The following SLC8A3 variants were observed in gnomAD, a reference collection of about 807,000 sequenced individuals.
SLC8A3 encodes sodium/calcium exchanger 3.
Under a neutral mutation model 65.4 loss-of-function variants are expected in SLC8A3, and 37 were observed. That is an observed-to-expected ratio of 0.57 (90% CI 0.44 to 0.74). The LOEUF is 0.74. Ranked by LOEUF, SLC8A3 falls within the 30% of genes least tolerant of loss-of-function variation. The pLI is 0.00. For missense variants in SLC8A3, 1,112 were observed against 1,172.1 expected (o/e 0.95, Z 0.75); for synonymous variants, 461 against 444.5 (o/e 1.04, Z -0.47).
chr14:70,086,211 T>C (rs1891420979), intron 2 of SLC8A3, among the ~76,000 whole-genome samples: 1 of 152,152 alleles, frequency 6.6e-6, no homozygotes, highest in South Asian at 2.1e-4. Flanking sequence ...GTACTAGCAT[T>C]ATCTTCATTT....
intron 2 of SLC8A3, among the ~76,000 whole-genome samples, chr14:70,066,423 C>A (rs1277812754): frequency 6.6e-6 from 1 of 152,166 alleles, no homozygotes; most frequent in East Asian, 1.9e-4. Context: ...CCTGGAATCA[C>A]CCCTCATTCT....
rs1384699618 is a variant in SLC8A3 at position 70,044,296 on chromosome 14, TATGAC to T, written c.*1646_*1650del. ...TCCACTGGCAACTGTCAACATAGCT[TATGAC>T]ATGAGCACTGTTTCTTTTTTAATTA... On this transcript the variant is annotated 3_prime_UTR_variant, in exon 7 of 7. Transcript: ENST00000356921. The T allele has an allele frequency of 2.0e-5, 3 of 152,146 alleles. No homozygotes were observed. The highest frequency in any genetic ancestry group is 4.4e-5 in the Non-Finnish European group (3 of 68,036). The allele number at this position is 152,146 out of a possible 1,614,324, so 9.4% of individuals were successfully genotyped here.
In SLC8A3 at chr14:70,141,964, GTGACTCCAATGGCC is replaced by G. The variant is rs200832833; in HGVS notation, c.1784+24661_1784+24674del. On this transcript the variant is annotated intron_variant, in intron 2 of 6. Coordinates refer to ENST00000356921, the MANE Select transcript of SLC8A3 (RefSeq NM_182932.3). The stretch of plus-strand genomic sequence containing the variant: ...CCCTAGGGTCTGTAGGTCCACCCCA[GTGACTCCAATGGCC>G]TCCCTCTCACCAGTGACCAGAGCCC... 4.1e-3 allele frequency among the ~76,000 whole-genome samples: 618 copies of G among 152,240 alleles called. 3 individuals carry two copies. Among genetic ancestry groups the G allele is most frequent in the African/African-American group, 0.015 (606 of 41,538 alleles).
intron 1 of SLC8A3, among the ~76,000 whole-genome samples, chr14:70,181,951 C>T (rs1056308297): frequency 2.6e-5 from 4 of 152,086 alleles, no homozygotes; most frequent in Non-Finnish European, 4.4e-5. Context: ...GGAAAATCAA[C>T]GTAAAGCACT....
chr14:70,130,082 G>A (rs1894720629), intron 2 of SLC8A3, among the ~76,000 whole-genome samples: 1 of 152,182 alleles, frequency 6.6e-6, no homozygotes, highest in Non-Finnish European at 1.5e-5. Flanking sequence ...TTACTGAGCT[G>A]TTTATTCTAC....
At chr14:70,128,629 T>C (rs1894632228) in intron 2 of SLC8A3, among the ~76,000 whole-genome samples, 2 of 152,244 alleles carry the variant, frequency 1.3e-5, no homozygotes, top group Non-Finnish European at 1.5e-5. Flanking sequence ...CATTTAAGAC[T>C]ATGATGAGAA....
intron 2 of SLC8A3, among the ~76,000 whole-genome samples, chr14:70,108,847 C>T (rs1893064552): frequency 6.6e-6 from 1 of 152,238 alleles, no homozygotes; most frequent in African/African-American, 2.4e-5. Context: ...CACTAACCTT[C>T]TTCCACTGTC....
intron 2 of SLC8A3, among the ~76,000 whole-genome samples, chr14:70,121,584 C>A (rs779239724): frequency 6.6e-5 from 10 of 152,244 alleles, no homozygotes; most frequent in Non-Finnish European, 1.3e-4. Context: ...TCCATAAATG[C>A]AAAACTAGTC....
chr14:70,156,109 C>G (rs1896555931), intron 2 of SLC8A3, among the ~76,000 whole-genome samples: 1 of 152,192 alleles, frequency 6.6e-6, no homozygotes, highest in African/African-American at 2.4e-5. Flanking sequence ...CGGTGGGGAG[C>G]TGGCTTGAGA....
At chr14:70,115,629 G>C (rs1230148507) in intron 2 of SLC8A3, among the ~76,000 whole-genome samples, 1 of 152,186 alleles carries the variant, frequency 6.6e-6, no homozygotes, top group African/African-American at 2.4e-5. Flanking sequence ...CACAGTAGGA[G>C]CAGGTGGAGG....
At chr14:70,177,106 T>C (rs976467274) in intron 1 of SLC8A3, among the ~76,000 whole-genome samples, 1 of 152,248 alleles carries the variant, frequency 6.6e-6, no homozygotes, top group Non-Finnish European at 1.5e-5. Flanking sequence ...AGTTATAAGT[T>C]CCAAGAGGGT....
chr14:70,089,353 T>C (rs1005413840), intron 2 of SLC8A3, among the ~76,000 whole-genome samples: 2 of 152,148 alleles, frequency 1.3e-5, no homozygotes, highest in Non-Finnish European at 2.9e-5. Context: ...ACCTCCAGCA[T>C]GAAGAACAGT....
At chr14:70,151,231 G>A (rs1363963419) in intron 2 of SLC8A3, among the ~76,000 whole-genome samples, 1 of 150,768 alleles carries the variant, frequency 6.6e-6, no homozygotes, top group Non-Finnish European at 1.5e-5. Flanking sequence ...TCCAGCCCAG[G>A]CGACAGTGCG....
At chr14:70,127,799 G>A (rs76087191) in intron 2 of SLC8A3, among the ~76,000 whole-genome samples, 16 of 152,278 alleles carry the variant, frequency 1.1e-4, no homozygotes, top group East Asian at 9.7e-4. Flanking sequence ...GGTCTGAAGC[G>A]TATTGTGAGG....
chr14:70,046,114 A>T lies in SLC8A3; in HGVS notation c.2599T>A (p.Phe867Ile), dbSNP rs1886749509. 1 of 1,614,040 alleles carries T rather than the reference A, an allele frequency of 6.2e-7. No homozygotes were observed. Among genetic ancestry groups the T allele is most frequent in the African/African-American group, 1.3e-5 (1 of 74,922 alleles). Residue 867 changes from phenylalanine to isoleucine, a missense_variant, in exon 7 of 7, where the codon TTT (phenylalanine) becomes ATT (isoleucine). Physicochemically the swap from Phe to Ile is conservative, Grantham distance 21 (BLOSUM62 0). Transcript: ENST00000356921. This position sits in a 1 kb window ranked among gnomAD's most constrained non-coding sequence, Gnocchi z 4.2. ...FSVTLFTIFAFVCISVLLYRR... is the reference protein window; with the variant it reads ...FSVTLFTIFAIVCISVLLYRR... ...TACAAGAGCACGCTGATGCAGACAA[A>T]TGCAAAGATGGTGAAGAGGGTGACG...
chr14:70,153,804 T>C (rs926923675), intron 2 of SLC8A3, among the ~76,000 whole-genome samples: 3 of 152,208 alleles, frequency 2.0e-5, no homozygotes, highest in African/African-American at 7.2e-5. Flanking sequence ...TCTCATCTCA[T>C]CACTGCCCCG....
At position 70,064,595 on chromosome 14, in the gene SLC8A3, A is replaced by G. The variant is rs1472027216; in HGVS notation, c.1785-3656T>C. On this transcript the variant is annotated intron_variant, in intron 2 of 6. Transcript: ENST00000356921. Reference sequence around the variant, plus strand: ...GGGGGAAATTTGGCTCATGTCACACATTCTGGCAATTCACAGAGGGCCTGA... The same window carrying G: ...GGGGGAAATTTGGCTCATGTCACACGTTCTGGCAATTCACAGAGGGCCTGA... Among the ~76,000 whole-genome samples, 2 of 152,096 alleles carry G rather than the reference A, an allele frequency of 1.3e-5. 1 individual carries two copies. The highest frequency in any genetic ancestry group is 3.9e-4 in the East Asian group (2 of 5,172).
At chr14:70,156,192 A>C (rs1331885469) in intron 2 of SLC8A3, among the ~76,000 whole-genome samples, 1 of 152,224 alleles carries the variant, frequency 6.6e-6, no homozygotes, top group African/African-American at 2.4e-5. Flanking sequence ...TAAAGAAATT[A>C]TCTGCTTCAC....
chr14:70,063,384 C>T (rs4899323), intron 2 of SLC8A3, among the ~76,000 whole-genome samples: 13,649 of 152,170 alleles, frequency 0.09, 1,042 homozygotes, highest in East Asian at 0.41. Flanking sequence ...AGAATAACTG[C>T]CCCATGGAAA....
Sources: allele counts gnomAD v4.1 joint callset (sites outside exome capture counted in the v4.1 genomes callset), GRCh38; gene constraint gnomAD v4.1.1; non-coding constraint Gnocchi (gnomAD v3.1); transcripts MANE v1.5; gene names NCBI Gene and HGNC (gene_info 2026-07-23, HGNC 2026-07-21).